KBTBD3: variants seen among roughly 807,000 people sequenced by gnomAD.
KBTBD3 encodes the protein kelch repeat and BTB domain-containing protein 3.
KBTBD3 carries 38 observed loss-of-function variants against 49.6 expected under a neutral mutation model. That is an observed-to-expected ratio of 0.77 (90% CI 0.59 to 1.00). The LOEUF is 1.00. KBTBD3 is among the 50% of genes least tolerant of loss of function. The pLI, the probability that KBTBD3 is intolerant of heterozygous loss-of-function variation, is 0.00. For missense variants in KBTBD3, 661 were observed against 712.0 expected (o/e 0.93, Z 0.81); for synonymous variants, 214 against 250.4 (o/e 0.85, Z 1.37).
At chr11:106,067,535 C>T (rs1051694636) in intron 2 of KBTBD3, among the ~76,000 whole-genome samples, 13 of 151,168 alleles carry the variant, frequency 8.6e-5, no homozygotes, top group African/African-American at 2.4e-4. Flanking sequence ...TGCTTGAACC[C>T]GGGAGGCAGA....
chr11:106,063,586 T>C (rs1180251855), intron 2 of KBTBD3, among the ~76,000 whole-genome samples: 1 of 152,226 alleles, frequency 6.6e-6, no homozygotes, highest in African/African-American at 2.4e-5. Flanking sequence ...TCATCATTTG[T>C]AAACTGCAGA....
rs148245222 is a variant in KBTBD3 at position 106,060,531 on chromosome 11, A to C, written c.-12-1422T>G. On this transcript the variant is annotated intron_variant, in intron 2 of 3. Coordinates refer to ENST00000531837, the MANE Select transcript of KBTBD3 (RefSeq NM_198439.3). ...ATCTTTGACAAACCTGACAAAAACA[A>C]GCAATGGGGAAAGGATTCCCTATAT... is the stretch of plus-strand genomic sequence containing the variant. Among the ~76,000 whole-genome samples the C allele has an allele frequency of 1.6e-3, 251 of 152,332 alleles. 7 individuals are homozygous for C. In the South Asian group the frequency reaches 0.028, roughly 17 times the overall value.
chr11:106,073,866 ATTACT>A (rs543642693), intron 2 of KBTBD3, among the ~76,000 whole-genome samples: 1 of 152,328 alleles, frequency 6.6e-6, no homozygotes, highest in African/African-American at 2.4e-5. Context: ...GGAACGACTG[ATTACT>A]TTAAATTGGA....
chr11:106,070,582 A>T (rs1249913067), intron 2 of KBTBD3, among the ~76,000 whole-genome samples: 1 of 152,132 alleles, frequency 6.6e-6, no homozygotes, highest in Non-Finnish European at 1.5e-5. Context: ...AAAATAAAAT[A>T]TAATGACAAC....
rs978948397 is a variant in KBTBD3 at position 106,059,092 on chromosome 11, T to A, written c.6A>T (p.Glu2Asp). The A allele has an allele frequency of 2.6e-6, 4 of 1,537,722 alleles. No homozygotes were observed. The highest frequency in any genetic ancestry group is 1.4e-5 in the African/African-American group (1 of 70,146). The stretch of plus-strand genomic sequence containing the variant: ...AAGCATATGAATTATCCATAGCCAA[T>A]TCCATATGTCCTTAGAACTAGAATA... M[E>D]LAMDNSYAFN... is the part of the protein sequence containing the mutation. The change falls in exon 3 of 4, where the codon GAA becomes GAT. Residue 2 changes from glutamate to aspartate, a missense_variant. Coordinates refer to ENST00000531837, the MANE Select transcript of KBTBD3 (RefSeq NM_198439.3).
At chr11:106,074,346 G>C (rs929061157) in intron 2 of KBTBD3, among the ~76,000 whole-genome samples, 2 of 151,970 alleles carry the variant, frequency 1.3e-5, no homozygotes, top group African/African-American at 2.4e-5. Flanking sequence ...TCCAGTTATC[G>C]TCTCAACCCA....
chr11:106,076,540 G>C lies in KBTBD3; in HGVS notation c.-46C>G, dbSNP rs1861033433. 6.6e-6 allele frequency: 1 copy of C among 152,194 alleles called. No homozygotes were observed. Among genetic ancestry groups the C allele is most frequent in the Non-Finnish European group, 1.5e-5 (1 of 68,060 alleles). The allele number at this position is 152,194 out of a possible 1,614,324, so 9.4% of individuals were successfully genotyped here. On this transcript the variant is annotated 5_prime_UTR_variant, in exon 2 of 4. Transcript: ENST00000531837. ...TTTGGCTGATATTTCCGGGCAGTCA[G>C]AGGAAGAAGGAAATCGGCTGAATCC...
rs372556332 is a variant in KBTBD3, at chr11:106,054,115, C to G, written c.574G>C (p.Glu192Gln). The change falls in exon 4 of 4, where the codon GAG becomes CAG. Residue 192 changes from glutamate (E) to glutamine (Q), a missense_variant. Physicochemically the swap from Glu to Gln is conservative, Grantham distance 29 (BLOSUM62 2). Coordinates refer to ENST00000531837, the MANE Select transcript of KBTBD3 (RefSeq NM_198439.3). Reference protein sequence around the residue: ...SLLFKSSDFLEMNFGVLQKCL... With the variant: ...SLLFKSSDFLQMNFGVLQKCL... ...TTCTGTAGTACTCCAAAATTCATCT[C>G]TAAGAAATCACTGGATTTAAATAAT... 6.2e-6 allele frequency: 10 copies of G among 1,613,060 alleles called. No homozygotes were observed. In the African/African-American group the frequency reaches 1.2e-4, roughly 19 times the overall value.
rs143645551 is a variant in KBTBD3 at position 106,069,280 on chromosome 11, A to G, written c.-13+7227T>C. Reference sequence around the variant, plus strand: ...AGAAAATTCAATAAAAGGCATATACATCGGAAAGGAAGAAACAAAACTGCC... The same window carrying G: ...AGAAAATTCAATAAAAGGCATATACGTCGGAAAGGAAGAAACAAAACTGCC... On this transcript the variant is annotated intron_variant, in intron 2 of 3. Transcript: ENST00000531837. 2.1e-3 allele frequency among the ~76,000 whole-genome samples: 322 copies of G among 152,222 alleles called. 3 individuals carry two copies. The highest frequency in any genetic ancestry group is 7.4e-3 in the African/African-American group (309 of 41,562).
chr11:106,066,722 AT>A, intron 2 of KBTBD3, among the ~76,000 whole-genome samples: 1 of 103,846 alleles, frequency 9.6e-6, no homozygotes. Flanking sequence ...TCTTAAAAAT[AT>A]AATCCCTATT....
In KBTBD3 at chr11:106,054,329, A is replaced by G; in HGVS notation, c.360T>C (p.Asp120=). The G allele has an allele frequency of 6.2e-7, 1 of 1,613,298 alleles. No homozygotes were observed. Among genetic ancestry groups the G allele is most frequent in the East Asian group, 2.2e-5 (1 of 44,770 alleles). The change falls in exon 4 of 4, where the codon GAT becomes GAC. Residue 120 remains aspartate (D), a synonymous_variant. Transcript: ENST00000531837. ...AYTGKTKITD[D]NVEMFFQLSS... ...ACAACTGGAAGAACATTTCCACATT[A>G]TCATCTGTTATTTTTGTTTTTCCAG...
At chr11:106,060,026 A>G (rs905833994) in intron 2 of KBTBD3, among the ~76,000 whole-genome samples, 2 of 152,154 alleles carry the variant, frequency 1.3e-5, no homozygotes, top group Non-Finnish European at 2.9e-5. Context: ...CTACAGGCAA[A>G]TGGCAGCTGT....
At position 106,053,760 on chromosome 11, in the gene KBTBD3, T is replaced by A; in HGVS notation, c.929A>T (p.Tyr310Phe). The change falls in exon 4 of 4, where the codon TAT becomes TTT. Residue 310 changes from tyrosine to phenylalanine, a missense_variant. Physicochemically the swap from Tyr to Phe is conservative, Grantham distance 22 (BLOSUM62 3). Transcript: ENST00000531837. ...AGATTTAATGTTATAGCAAAATGTA[T>A]ATTGATTTTCTCCATTTTCCTCAGT... ...HKTEENGENQ[Y>F]TFCYNIKSDS... 1 of 1,613,720 alleles carries A rather than the reference T, an allele frequency of 6.2e-7. No homozygotes were observed. Among genetic ancestry groups the A allele is most frequent in the Non-Finnish European group, 8.5e-7 (1 of 1,179,800 alleles).
At chr11:106,057,997 G>A (rs958326866) in intron 3 of KBTBD3, 17 of 398,236 alleles carry the variant, frequency 4.3e-5, no homozygotes, top group East Asian at 3.2e-4. Flanking sequence ...CTGTCCCAGC[G>A]TAGTTCAAGG....
chr11:106,053,999 C>A lies in KBTBD3; in HGVS notation c.690G>T (p.Arg230Ser). The A allele has an allele frequency of 6.2e-7, 1 of 1,613,804 alleles. No individual in the cohort carries two copies. Among genetic ancestry groups the A allele is most frequent in the Non-Finnish European group, 8.5e-7 (1 of 1,179,890 alleles). The change falls in exon 4 of 4, where the codon AGG becomes AGT. Residue 230 changes from arginine to serine, a missense_variant. Transcript: ENST00000531837. ...LSWTKHNLESRQKYLPHLIEK... is the reference protein window; with the variant it reads ...LSWTKHNLESSQKYLPHLIEK... ...CAATCAAATGAGGCAGATACTTTTG[C>A]CTTGATTCTAAGTTATGTTTAGTCC...
chr11:106,057,833 A>C, intron 3 of KBTBD3: 1 of 373,882 alleles, frequency 2.7e-6, no homozygotes, highest in Non-Finnish European at 4.7e-6. Flanking sequence ...CCCGTAATAC[A>C]TGAATACAAC....
rs1333534610 is a variant in KBTBD3, at chr11:106,052,707, A to G, written c.*143T>C. On this transcript the variant is annotated 3_prime_UTR_variant, in exon 4 of 4. Coordinates refer to ENST00000531837, the MANE Select transcript of KBTBD3 (RefSeq NM_198439.3). ...TATTTTGTATTTTAAGTTTTTGGAAACTGTTTATTCATATATGGTGTACAT... is the reference window on the plus strand; with the variant it reads ...TATTTTGTATTTTAAGTTTTTGGAAGCTGTTTATTCATATATGGTGTACAT... 1.0e-5 allele frequency: 6 copies of G among 583,568 alleles called. No homozygotes were observed. Among genetic ancestry groups the G allele is most frequent in the Non-Finnish European group, 1.7e-5 (6 of 353,004 alleles). The allele number at this position is 583,568 out of a possible 1,614,324, so 36.1% of individuals were successfully genotyped here. A position where few individuals can be genotyped will look rare whatever the true frequency, so the allele number is the denominator to read the frequency against.
intron 2 of KBTBD3, chr11:106,075,953 A>C (rs1861020176): frequency 6.6e-6 from 1 of 152,254 alleles, no homozygotes; most frequent in South Asian, 2.1e-4. Flanking sequence ...GAATTTAAAC[A>C]AATTCTCTTT....
chr11:106,064,132 G>A (rs1286379453), intron 2 of KBTBD3, among the ~76,000 whole-genome samples: 3 of 152,140 alleles, frequency 2.0e-5, no homozygotes, highest in Non-Finnish European at 2.9e-5. Context: ...TTGAACACAA[G>A]CGCTATCATT....
Sources: gnomAD v4.1 joint callset for allele counts (sites outside exome capture counted in the v4.1 genomes callset) on GRCh38, gnomAD v4.1.1 for gene constraint, MANE v1.5 for transcripts, NCBI Gene and HGNC (gene_info 2026-07-23, HGNC 2026-07-21) for gene names.